PRKDC: variants seen among roughly 807,000 people sequenced by gnomAD.
PRKDC encodes protein kinase, DNA-activated, catalytic subunit.
Under a neutral mutation model 486.9 loss-of-function variants are expected in PRKDC, and 82 were observed. The ratio of observed to expected loss-of-function variants is 0.17; its 90% CI spans 0.14 to 0.20. PRKDC has a LOEUF of 0.20. Among genes scored for constraint, PRKDC ranks in the 10% least tolerant of loss-of-function variants. The probability of loss-of-function intolerance (pLI) is 1.00; values close to 1 mark genes in which losing one functional copy is unlikely to be tolerated. For synonymous variants in PRKDC, 1,895 were observed against 1,837.0 expected (o/e 1.03, Z -0.81); for missense variants, 4,504 against 5,038.2 (o/e 0.89, Z 3.21).
intron 30 of PRKDC, among the ~76,000 whole-genome samples, chr8:47,896,475 G>A (rs1006736077): frequency 8.5e-5 from 13 of 152,078 alleles, no homozygotes; most frequent in South Asian, 2.1e-4. Context: ...GTGAAACCCC[G>A]TCTCTACTAA....
chr8:47,910,160 AGAACCTACGTTGAAATACTGGGG>A (rs1229635874), intron 25 of PRKDC, among the ~76,000 whole-genome samples: 1 of 152,160 alleles, frequency 6.6e-6, no homozygotes, highest in Admixed American at 6.5e-5. Context: ...AAAATAGAAA[AGAACCTACGTTGAAATACTGGGG>A]GCTGGTTCCC....
chr8:47,788,952 T>A lies in PRKDC; in HGVS notation c.10856A>T (p.Asp3619Val). Reference sequence around the variant, plus strand: ...GGCCCCCAGGCCTGGAGCCTTTGGGTCACCCAAGGCTGCATACATTCTTTC... The same window carrying A: ...GGCCCCCAGGCCTGGAGCCTTTGGGACACCCAAGGCTGCATACATTCTTTC... The part of the protein sequence containing the change: ...MYERMYAALG[D>V]PKAPGLGAFR... Residue 3619 changes from aspartate to valine, a missense_variant, in exon 76 of 86, where the codon GAC becomes GTC. Asp to Val is a radical substitution (Grantham distance 152). This residue lies in a region of PRKDC where 706 missense variants were observed against 945.0 expected (regional missense o/e 0.75). Transcript: ENST00000314191. 6.2e-7 allele frequency: 1 copy of A among 1,611,880 alleles called. No individual in the cohort carries two copies. Among genetic ancestry groups the A allele is most frequent in the Non-Finnish European group, 8.5e-7 (1 of 1,179,124 alleles).
At chr8:47,822,661 G>A (rs2087629533) in intron 64 of PRKDC, among the ~76,000 whole-genome samples, 3 of 152,036 alleles carry the variant, frequency 2.0e-5, no homozygotes, top group Admixed American at 1.3e-4. Context: ...GTGGTGGCGG[G>A]CACCTGTAGT....
At chr8:47,803,249 A>G (rs2087147261) in intron 70 of PRKDC, 57 bp downstream of exon 70, 1 of 1,493,468 alleles carries the variant, frequency 6.7e-7, no homozygotes, top group African/African-American at 1.4e-5. Context: ...AGGAAGATAC[A>G]CAAGACAATA....
At chr8:47,886,776 T>G (rs542815325) in intron 35 of PRKDC, among the ~76,000 whole-genome samples, 1 of 152,216 alleles carries the variant, frequency 6.6e-6, no homozygotes, top group Admixed American at 6.5e-5. Flanking sequence ...CAGCCTTGAC[T>G]TCCTGGGCTC....
intron 7 of PRKDC, among the ~76,000 whole-genome samples, chr8:47,951,362 G>GA (rs1326044488): frequency 1.3e-4 from 19 of 141,682 alleles, no homozygotes; most frequent in South Asian, 2.2e-4. Context: ...CCCTGTCTCA[G>GA]AAAAAAAAAA....
At position 47,893,277 on chromosome 8, in the gene PRKDC, C is replaced by T. The variant is rs191531119; in HGVS notation, c.3709G>A (p.Ala1237Thr). The T allele has an allele frequency of 7.3e-4, 1,180 of 1,611,470 alleles. 6 individuals carry two copies. The Middle Eastern group carries it at 0.027, about 37-fold the overall frequency. The change falls in exon 31 of 86, where the codon GCC becomes ACC. Residue 1237 changes from alanine to threonine, a missense_variant. Transcript: ENST00000314191. ...CGAAGGTACAAGAGGGTGGGCTGGG[C>T]CAGGATGCCCGAGGGCTGGCCACAG... ...GGCGQPSGIL[A>T]QPTLLYLRGP...
Position 47,782,484 on chromosome 8 carries a change from C to A in PRKDC, c.11290G>T (p.Val3764Leu). ...TTCATGACCTGGAAGAGCTGCTCCACGCGCTGGTCCTGCCGCAGGTCCTCG... is the reference window on the plus strand; with the variant it reads ...TTCATGACCTGGAAGAGCTGCTCCAAGCGCTGGTCCTGCCGCAGGTCCTCG... ...GGEDLRQDQR[V>L]EQLFQVMNGI... The change falls in exon 79 of 86, where the codon GTG (valine) becomes TTG (leucine). Residue 3764 changes from valine to leucine, a missense_variant. Around this residue, in one of 6 missense-constraint regions of PRKDC, gnomAD observed 706 missense variants for 945.0 expected, o/e 0.75. Transcript: ENST00000314191. This position sits in a 1 kb window ranked among gnomAD's most constrained non-coding sequence, Gnocchi z 4.9. 1 of 1,581,966 alleles carries A rather than the reference C, an allele frequency of 6.3e-7. No individual in the cohort carries two copies.
At chr8:47,891,574 G>A (rs2089457825) in intron 31 of PRKDC, among the ~76,000 whole-genome samples, 1 of 151,996 alleles carries the variant, frequency 6.6e-6, no homozygotes, top group African/African-American at 2.4e-5. Context: ...CAAAAAATTA[G>A]CTGGGCGTGG....
At chr8:47,808,821 T>C (rs1385989964) in intron 68 of PRKDC, among the ~76,000 whole-genome samples, 1 of 152,052 alleles carries the variant, frequency 6.6e-6, no homozygotes, top group African/African-American at 2.4e-5. Context: ...AGAAACAGTA[T>C]GGCCAGGGAG....
At chr8:47,926,432 A>G (rs2090157825) in intron 21 of PRKDC, among the ~76,000 whole-genome samples, 1 of 152,220 alleles carries the variant, frequency 6.6e-6, no homozygotes, top group South Asian at 2.1e-4. Flanking sequence ...TTACACAGGT[A>G]AAACCTCACA....
intron 58 of PRKDC, 65 bp from the exon 59 acceptor site, chr8:47,834,461 C>T: frequency 1.3e-6 from 2 of 1,528,444 alleles, no homozygotes; most frequent in African/African-American, 1.4e-5. Context: ...GGGGCAGGAC[C>T]ACCTGCCAGG....
intron 27 of PRKDC, 71 bp from the exon 28 acceptor site, chr8:47,900,538 T>C (rs912412146): frequency 1.5e-6 from 2 of 1,356,324 alleles, no homozygotes; most frequent in Non-Finnish European, 2.0e-6. Context: ...AAAGAAGGAA[T>C]GGAATTAAAG....
Position 47,929,118 on chromosome 8 carries a change from C to A in PRKDC, c.2113G>T (p.Ala705Ser). ...PEDPEKYSCF[A>S]LFVKFGKEVA... is the part of the protein sequence containing the mutation. ...TCTTTGCCAAATTTCACAAATAAAG[C>A]AAAGCAAGAATACTTTTCTGGGTCT... Residue 705 changes from alanine (A) to serine (S), a missense_variant, in exon 19 of 86, where the codon GCT becomes TCT. By Grantham distance (99) the Ala-to-Ser change is moderately conservative. Around this residue, in one of 6 missense-constraint regions of PRKDC, gnomAD observed 1,969 missense variants for 2,068.9 expected, o/e 0.95. Coordinates refer to ENST00000314191, the MANE Select transcript of PRKDC (RefSeq NM_006904.7). 2 of 1,574,124 alleles carry A rather than the reference C, an allele frequency of 1.3e-6. No individual in the cohort carries two copies. The highest frequency in any genetic ancestry group is 1.7e-6 in the Non-Finnish European group (2 of 1,157,776).
In PRKDC at chr8:47,893,499, G is replaced by A. The variant is rs539351188; in HGVS notation, c.3599-112C>T. ...GGACAATCTTTTTTCATTTTACTACGCATTCAACTTGTTTCACTGTAATTA... is the reference window on the plus strand; with the variant it reads ...GGACAATCTTTTTTCATTTTACTACACATTCAACTTGTTTCACTGTAATTA... On this transcript the variant is annotated intron_variant, in intron 30 of 85. Transcript: ENST00000314191. 3.5e-5 allele frequency: 39 copies of A among 1,126,450 alleles called. No homozygotes were observed. The East Asian group carries it at 6.1e-4, about 18-fold the overall frequency. 69.8% of individuals were successfully genotyped at this position (1,126,450 alleles called of 1,614,324 possible). A position where few individuals can be genotyped will look rare whatever the true frequency, so the allele number is the denominator to read the frequency against.
intron 10 of PRKDC, among the ~76,000 whole-genome samples, chr8:47,942,641 G>T (rs1380838235): frequency 6.6e-6 from 1 of 152,164 alleles, no homozygotes. Context: ...AACCCCAGAA[G>T]TCCACTTCCT....
chr8:47,893,884 C>G lies in PRKDC; in HGVS notation c.3599-497G>C, dbSNP rs150892896. Among the ~76,000 whole-genome samples the G allele has an allele frequency of 4.7e-3, 715 of 152,234 alleles. 4 individuals carry two copies. The highest frequency in any genetic ancestry group is 0.012 in the African/African-American group (488 of 41,544). Reference sequence around the variant, plus strand: ...TTCTTCTAAATTAAAAAGATAAATACATAAAACTGCATTTTGTATGCTCTG... The same window carrying G: ...TTCTTCTAAATTAAAAAGATAAATAGATAAAACTGCATTTTGTATGCTCTG... On this transcript the variant is annotated intron_variant, in intron 30 of 85. Coordinates refer to ENST00000314191, the MANE Select transcript of PRKDC (RefSeq NM_006904.7).
chr8:47,880,381 G>C (rs2089187642), intron 38 of PRKDC, among the ~76,000 whole-genome samples: 1 of 152,268 alleles, frequency 6.6e-6, no homozygotes, highest in East Asian at 1.9e-4. Flanking sequence ...AGCTTAACAA[G>C]AACTAGGAGT....
Position 47,782,120 on chromosome 8 carries a change from G to C in PRKDC, c.11489+42C>G, listed in dbSNP as rs766132387. 1 of 1,556,362 alleles carries C rather than the reference G, an allele frequency of 6.4e-7. No individual in the cohort carries two copies. Among genetic ancestry groups the C allele is most frequent in the Admixed American group, 1.7e-5 (1 of 59,808 alleles). ...CCGACCTGCCACTGGAGAAGTGAGG[G>C]GAGGCGACTGCTGGGGGAGCAGGGC... On this transcript the variant is annotated intron_variant, in intron 80 of 85. Transcript: ENST00000314191. The surrounding 1 kb of genome is among the most constrained non-coding windows in gnomAD (Gnocchi z 4.9).
Sources: allele counts gnomAD v4.1 joint callset (sites outside exome capture counted in the v4.1 genomes callset), GRCh38; gene constraint gnomAD v4.1.1; regional missense constraint gnomAD v4.1.1; non-coding constraint Gnocchi (gnomAD v3.1); transcripts MANE v1.5; gene names NCBI Gene and HGNC (gene_info 2026-07-23, HGNC 2026-07-21).